The following HADH variants were observed in gnomAD, a reference collection of about 807,000 sequenced individuals.
HADH encodes the protein hydroxyacyl-coenzyme A dehydrogenase, mitochondrial.
HADH carries 24 observed loss-of-function variants against 32.2 expected under a neutral mutation model. The observed-to-expected ratio is 0.75, with a 90% CI of 0.54 to 1.05. The LOEUF (loss-of-function observed/expected upper bound fraction) is 1.05. Ranked by LOEUF, HADH falls within the 50% of genes least tolerant of loss-of-function variation. The pLI is 0.00. For missense variants in HADH, 350 were observed against 397.1 expected (o/e 0.88, Z 1.01); for synonymous variants, 139 against 152.5 (o/e 0.91, Z 0.65).
chr4:108,009,156 T>C (rs1270351907), intron 1 of HADH, among the ~76,000 whole-genome samples: 1 of 152,182 alleles, frequency 6.6e-6, no homozygotes, highest in Non-Finnish European at 1.5e-5. Context: ...TTTGCCACCA[T>C]TATTAGAGTT....
intron 4 of HADH, among the ~76,000 whole-genome samples, chr4:108,022,655 G>C (rs143123207): frequency 6.6e-6 from 1 of 152,104 alleles, no homozygotes; most frequent in Non-Finnish European, 1.5e-5. Context: ...TAGAAGATCA[G>C]GTCCCACGTA....
chr4:108,013,733 A>G (rs1450588256), intron 2 of HADH, among the ~76,000 whole-genome samples: 3 of 152,142 alleles, frequency 2.0e-5, no homozygotes, highest in Non-Finnish European at 4.4e-5. Context: ...AATATATAAA[A>G]CATCTCAATA....
chr4:107,998,570 G>T (rs1421369325), intron 1 of HADH, among the ~76,000 whole-genome samples: 5 of 152,156 alleles, frequency 3.3e-5, no homozygotes, highest in African/African-American at 4.8e-5. Flanking sequence ...GAGCTACCGC[G>T]CCCGGCTGAT....
chr4:108,010,701 CTA>C (rs1735457407), intron 2 of HADH, among the ~76,000 whole-genome samples: 1 of 152,056 alleles, frequency 6.6e-6, no homozygotes, highest in African/African-American at 2.4e-5. Context: ...CCATTTTAAA[CTA>C]TACAATTCAG....
chr4:108,018,440 A>T (rs183195829), intron 3 of HADH, among the ~76,000 whole-genome samples: 21 of 150,974 alleles, frequency 1.4e-4, no homozygotes, highest in South Asian at 4.2e-4. Flanking sequence ...TTTTTTTTTT[A>T]AAAAGGAAAC....
At chr4:108,021,332 G>A (rs900401604) in intron 4 of HADH, among the ~76,000 whole-genome samples, 1 of 152,192 alleles carries the variant, frequency 6.6e-6, no homozygotes, top group African/African-American at 2.4e-5. Context: ...TGGAAATGTA[G>A]TGTGTTGGTT....
At chr4:108,014,400 G>C (rs1173366965) in intron 2 of HADH, 31 bp from the exon 3 acceptor site, 1 of 1,613,774 alleles carries the variant, frequency 6.2e-7, no homozygotes, top group Non-Finnish European at 8.5e-7. Flanking sequence ...TGAGCCCGGT[G>C]AATGTTCTCT....
At chr4:108,006,249 G>T (rs896254640) in intron 1 of HADH, among the ~76,000 whole-genome samples, 8 of 152,090 alleles carry the variant, frequency 5.3e-5, no homozygotes, top group African/African-American at 1.9e-4. Flanking sequence ...GAGAGCAACA[G>T]GAAGACTTTG....
intron 1 of HADH, among the ~76,000 whole-genome samples, chr4:107,992,893 T>C (rs560465111): frequency 2.0e-5 from 3 of 152,240 alleles, no homozygotes; most frequent in South Asian, 4.1e-4. Context: ...GGGGGGCAGA[T>C]CATCTGAGGT....
At chr4:108,010,830 CAT>C (rs111774040) in intron 2 of HADH, among the ~76,000 whole-genome samples, 4 of 150,278 alleles carry the variant, frequency 2.7e-5, no homozygotes, top group East Asian at 2.0e-4. Context: ...TATGTTGTAA[CAT>C]GTGTCACAAC....
At chr4:108,009,227 C>T (rs1735395359) in intron 1 of HADH, among the ~76,000 whole-genome samples, 1 of 152,332 alleles carries the variant, frequency 6.6e-6, no homozygotes, top group African/African-American at 2.4e-5. Context: ...AGAGGCCAAG[C>T]TGTACAAGGG....
chr4:108,003,715 A>C (rs1452159163), intron 1 of HADH, among the ~76,000 whole-genome samples: 1 of 152,186 alleles, frequency 6.6e-6, no homozygotes, highest in East Asian at 1.9e-4. Flanking sequence ...ATGTGAGATC[A>C]AAAGCAAAAT....
intron 3 of HADH, among the ~76,000 whole-genome samples, chr4:108,018,054 G>A (rs910131247): frequency 6.6e-6 from 1 of 152,194 alleles, no homozygotes; most frequent in Non-Finnish European, 1.5e-5. Context: ...GGGCTCTGAT[G>A]TCACTTTATT....
rs1314327053 is a variant in HADH at position 108,005,193 on chromosome 4, A to G, written c.133-4566A>G. Reference sequence around the variant, plus strand: ...TGGGGATCTAAAACTTACATTAAACAATCTTAAAATTTGCCTTTTTTTGGA... The same window carrying G: ...TGGGGATCTAAAACTTACATTAAACGATCTTAAAATTTGCCTTTTTTTGGA... On this transcript the variant is annotated intron_variant, in intron 1 of 7. Coordinates refer to ENST00000309522, the MANE Select transcript of HADH (RefSeq NM_005327.7). 1.2e-5 allele frequency: 3 copies of G among 245,226 alleles called. No individual in the cohort carries two copies. The Admixed American group carries it at 1.5e-4, about 12-fold the overall frequency. The allele number at this position is 245,226 out of a possible 1,614,324, so 15.2% of individuals were successfully genotyped here.
intron 1 of HADH, among the ~76,000 whole-genome samples, chr4:108,002,385 T>G (rs1313359025): frequency 6.6e-6 from 1 of 152,182 alleles, no homozygotes; most frequent in Non-Finnish European, 1.5e-5. Flanking sequence ...CGTGTCCTTG[T>G]GAGAATCTAA....
At position 108,027,741 on chromosome 4, in the gene HADH, A is replaced by G. The variant is rs1468179246; in HGVS notation, c.690A>G (p.Ala230=). The change falls in exon 6 of 8, where the codon GCA becomes GCG. Residue 230 remains alanine, a synonymous_variant. Transcript: ENST00000309522. ...NRLLVPYLME[A]IRLYERGDAS... is the part of the protein sequence containing the mutation. ...TCCTGGTTCCATACCTCATGGAAGC[A>G]ATCAGGCTGTATGAACGAGGTATCC... 1.2e-6 allele frequency: 2 copies of G among 1,606,560 alleles called. No individual in the cohort carries two copies. The highest frequency in any genetic ancestry group is 1.7e-6 in the Non-Finnish European group (2 of 1,173,048).
chr4:107,989,998 C>T lies in HADH; in HGVS notation c.66C>T (p.Ala22=). The part of the protein sequence containing the change: ...VSSSSTASAS[A]KKIIVKHVTV... ...CCTCGTCCACCGCCTCGGCCTCGGC[C>T]AAGAAGATAATCGTCAAGCACGTGA... Residue 22 remains alanine, a synonymous_variant, in exon 1 of 8, where the codon GCC becomes GCT. Coordinates refer to ENST00000309522, the MANE Select transcript of HADH (RefSeq NM_005327.7). 1 of 1,612,506 alleles carries T rather than the reference C, an allele frequency of 6.2e-7. No homozygotes were observed. Among genetic ancestry groups the T allele is most frequent in the East Asian group, 2.2e-5 (1 of 44,840 alleles).
At chr4:108,017,588 C>T (rs1437212612) in intron 3 of HADH, among the ~76,000 whole-genome samples, 1 of 150,362 alleles carries the variant, frequency 6.7e-6, no homozygotes, top group African/African-American at 2.4e-5. Flanking sequence ...GAGTCTCGCT[C>T]TGTCGCCCAG....
At chr4:108,009,290 A>G (rs1735398980) in intron 1 of HADH, among the ~76,000 whole-genome samples, 1 of 152,224 alleles carries the variant, frequency 6.6e-6, no homozygotes, top group East Asian at 1.9e-4. Flanking sequence ...TGCTCTGGGA[A>G]CAGCCTGCTG....
Sources: gnomAD v4.1 joint callset for allele counts (sites outside exome capture counted in the v4.1 genomes callset) on GRCh38, gnomAD v4.1.1 for gene constraint, MANE v1.5 for transcripts, NCBI Gene and HGNC (gene_info 2026-07-23, HGNC 2026-07-21) for gene names.